The following HECW1 variants were observed in gnomAD, a reference collection of about 807,000 sequenced individuals.
HECW1 encodes the protein HECT, C2 and WW domain containing E3 ubiquitin protein ligase 1, also known as E3 ubiquitin-protein ligase HECW1.
In HECW1, 61 loss-of-function variants were observed where a neutral mutation model predicts 182.3. The ratio of observed to expected loss-of-function variants is 0.33; its 90% CI spans 0.27 to 0.41. HECW1 has a LOEUF of 0.41. HECW1 is among the 10% of genes least tolerant of loss of function. The pLI is 1.00. For synonymous variants in HECW1, 859 were observed against 832.6 expected, an observed-to-expected ratio of 1.03 and a Z score of -0.55; for missense variants, 1,739 against 2,108.9, an observed-to-expected ratio of 0.82 and a Z score of 3.44.
chr7:43,520,442 A>G (rs1342020799), intron 24 of HECW1, among the ~76,000 whole-genome samples: 1 of 152,016 alleles, frequency 6.6e-6, no homozygotes, highest in Admixed American at 6.5e-5. Context: ...ACGCTTCCTT[A>G]GGCTTTGCTC....
chr7:43,177,749 C>T (rs1304607211), intron 2 of HECW1, among the ~76,000 whole-genome samples: 3 of 152,134 alleles, frequency 2.0e-5, no homozygotes, highest in Admixed American at 6.5e-5. Flanking sequence ...CTTAGCACAG[C>T]GTCTGGCACA....
At chr7:43,529,412 T>G (rs913011611) in intron 24 of HECW1, among the ~76,000 whole-genome samples, 1 of 152,184 alleles carries the variant, frequency 6.6e-6, no homozygotes, top group Admixed American at 6.5e-5. Flanking sequence ...CAGGGTAGTT[T>G]TCTATAGCTC....
chr7:43,185,784 A>G (rs1031746786), intron 2 of HECW1, among the ~76,000 whole-genome samples: 1 of 152,226 alleles, frequency 6.6e-6, no homozygotes, highest in African/African-American at 2.4e-5. Flanking sequence ...AATCATTAGG[A>G]TAGAATGAGT....
At chr7:43,443,162 G>T (rs750210507) in intron 10 of HECW1, among the ~76,000 whole-genome samples, 6 of 152,132 alleles carry the variant, frequency 3.9e-5, no homozygotes, top group Non-Finnish European at 5.9e-5. Flanking sequence ...TTCAAAATAC[G>T]AATGATAAGA....
rs760171614 is a variant in HECW1, at chr7:43,311,655, G to A, written c.28-108G>A. The A allele has an allele frequency of 4.0e-5, 39 of 971,156 alleles. No individual in the cohort carries two copies. The East Asian group carries it at 9.0e-4, about 22-fold the overall frequency. 60.2% of individuals were successfully genotyped at this position (971,156 alleles called of 1,614,324 possible). A position where few individuals can be genotyped will look rare whatever the true frequency, so the allele number is the denominator to read the frequency against. ...TGTTTCATATCTGCCCAGCAGGGCAGCTCACTCACAGCGCGTGTCTCCCAG... is the reference window on the plus strand; with the variant it reads ...TGTTTCATATCTGCCCAGCAGGGCAACTCACTCACAGCGCGTGTCTCCCAG... On this transcript the variant is annotated intron_variant, in intron 3 of 29. Coordinates refer to ENST00000395891, the MANE Select transcript of HECW1 (RefSeq NM_015052.5).
At position 43,114,734 on chromosome 7, in the gene HECW1, T is replaced by TA. The variant is rs201857735; in HGVS notation, c.-32+343_-32+344insA. ...GCTTTGTGGAATGACAGTTCTCTTT[T>TA]TTTTTGGAGTAGTTTTTTCATGAAG... On this transcript the variant is annotated intron_variant, in intron 2 of 29. Transcript: ENST00000395891. Among the ~76,000 whole-genome samples the TA allele has an allele frequency of 5.2e-3, 784 of 151,996 alleles. 5 individuals carry two copies. The highest frequency in any genetic ancestry group is 8.3e-3 in the Non-Finnish European group (565 of 67,988).
At chr7:43,338,490 A>G (rs1378310251) in intron 5 of HECW1, among the ~76,000 whole-genome samples, 1 of 151,614 alleles carries the variant, frequency 6.6e-6, no homozygotes, top group Non-Finnish European at 1.5e-5. Flanking sequence ...CTTTCCTTGG[A>G]TTTAATTTGT....
chr7:43,544,047 G>A (rs2081465047), intron 26 of HECW1, among the ~76,000 whole-genome samples: 1 of 152,024 alleles, frequency 6.6e-6, no homozygotes, highest in South Asian at 2.1e-4. Flanking sequence ...AGCTGGATCA[G>A]AAACCTGAAT....
rs532055857 is a variant in HECW1 at position 43,562,518 on chromosome 7, C to T, written c.*592C>T. ...CTCATGATTCACATGTGGCATCAGT[C>T]CCATCAGCCGGAACTAGCCTAGACA... On this transcript the variant is annotated 3_prime_UTR_variant, in exon 30 of 30. Transcript: ENST00000395891. The T allele has an allele frequency of 4.4e-6, 1 of 228,182 alleles. No homozygotes were observed. Among genetic ancestry groups the T allele is most frequent in the Non-Finnish European group, 8.7e-6 (1 of 114,656 alleles). The allele number at this position is 228,182 out of a possible 1,614,324, so 14.1% of individuals were successfully genotyped here. A position where few individuals can be genotyped will look rare whatever the true frequency, so the allele number is the denominator to read the frequency against.
chr7:43,117,172 A>G (rs543162772), intron 2 of HECW1, among the ~76,000 whole-genome samples: 1 of 152,308 alleles, frequency 6.6e-6, no homozygotes, highest in South Asian at 2.1e-4. Context: ...AATCTCCAAA[A>G]TGTACAAAGT....
chr7:43,454,956 T>C (rs546504950), intron 12 of HECW1, among the ~76,000 whole-genome samples: 1 of 152,334 alleles, frequency 6.6e-6, no homozygotes, highest in East Asian at 1.9e-4. Flanking sequence ...TTCCACAATG[T>C]GATATGTGGA....
chr7:43,125,757 T>TAAAA (rs57874835), intron 2 of HECW1, among the ~76,000 whole-genome samples: 13 of 86,540 alleles, frequency 1.5e-4, no homozygotes, highest in Admixed American at 6.7e-4. Flanking sequence ...GATTCTGTCT[T>TAAAA]AAAAAAAAAA....
chr7:43,121,427 C>T (rs970018930), intron 2 of HECW1, among the ~76,000 whole-genome samples: 1 of 152,156 alleles, frequency 6.6e-6, no homozygotes, highest in African/African-American at 2.4e-5. Context: ...TTGGCCAGCT[C>T]ATATCCCCAT....
chr7:43,506,693 G>A (rs955016447), intron 21 of HECW1, among the ~76,000 whole-genome samples: 1 of 152,150 alleles, frequency 6.6e-6, no homozygotes, highest in African/African-American at 2.4e-5. Context: ...AGGCCTAGGT[G>A]GGCGGATCAC....
At chr7:43,416,398 A>G (rs2075998103) in intron 8 of HECW1, among the ~76,000 whole-genome samples, 1 of 150,952 alleles carries the variant, frequency 6.6e-6, no homozygotes, top group Non-Finnish European at 1.5e-5. Context: ...TCAGATCTCC[A>G]GCTGCGTGCT....
chr7:43,385,270 T>C (rs545332770), intron 6 of HECW1, among the ~76,000 whole-genome samples: 4 of 4,240 alleles, frequency 9.4e-4, no homozygotes, highest in East Asian at 0.012. Flanking sequence ...CCCTCTCCCC[T>C]CCCCTCCCCT....
intron 5 of HECW1, among the ~76,000 whole-genome samples, chr7:43,330,747 A>G (rs1257715630): frequency 6.6e-6 from 1 of 152,174 alleles, no homozygotes; most frequent in Non-Finnish European, 1.5e-5. Context: ...TGACTGGTTC[A>G]TCCTGGTTTG....
In HECW1 at chr7:43,337,080, A is replaced by G. The variant is rs567454244; in HGVS notation, c.460+16338A>G. ...ACCTAGTAGTGGGTTTGCTGGATCT[A>G]ATGGTAGTTCTATTTTTAGTTATTT... On this transcript the variant is annotated intron_variant, in intron 5 of 29. Transcript: ENST00000395891. Among the ~76,000 whole-genome samples the G allele has an allele frequency of 7.9e-5, 12 of 152,272 alleles. No homozygotes were observed. The East Asian group carries it at 2.1e-3, about 27-fold the overall frequency.
intron 2 of HECW1, among the ~76,000 whole-genome samples, chr7:43,164,844 T>C (rs1209441616): frequency 1.3e-5 from 2 of 152,216 alleles, no homozygotes; most frequent in Non-Finnish European, 2.9e-5. Flanking sequence ...GCTTCCATGG[T>C]GTATGATTCA....
Sources: allele counts gnomAD v4.1 joint callset (sites outside exome capture counted in the v4.1 genomes callset), GRCh38; gene constraint gnomAD v4.1.1; transcripts MANE v1.5; gene names NCBI Gene and HGNC (gene_info 2026-07-23, HGNC 2026-07-21).